ZNF462: variants seen among roughly 807,000 people sequenced by gnomAD.
ZNF462 encodes the protein zinc finger protein 462.
In ZNF462, 10 loss-of-function variants were observed where a neutral mutation model predicts 201.9. That is an observed-to-expected ratio of 0.05 (90% CI 0.03 to 0.08). The LOEUF is 0.08. ZNF462 is among the 10% of genes least tolerant of loss of function. ZNF462 has a pLI of 1.00. For synonymous variants in ZNF462, 1,227 were observed against 1,193.3 expected (o/e 1.03, Z -0.58); for missense variants, 2,523 against 3,168.3 (o/e 0.80, Z 4.89).
intron 7 of ZNF462, among the ~76,000 whole-genome samples, chr9:106,969,927 C>T (rs1439632072): frequency 6.6e-6 from 1 of 152,116 alleles, no homozygotes; most frequent in Non-Finnish European, 1.5e-5. Flanking sequence ...ACAGCTCAAG[C>T]CTGTGATAAC....
chr9:106,923,684 T>C lies in ZNF462; in HGVS notation c.220+81T>C. 1.4e-6 allele frequency: 2 copies of C among 1,443,192 alleles called. No homozygotes were observed. The highest frequency in any genetic ancestry group is 1.9e-6 in the Non-Finnish European group (2 of 1,044,844). The allele number at this position is 1,443,192 out of a possible 1,614,324, so 89.4% of individuals were successfully genotyped here. On this transcript the variant is annotated intron_variant, in intron 2 of 12. Coordinates refer to ENST00000277225, the MANE Select transcript of ZNF462 (RefSeq NM_021224.6). The surrounding 1 kb of genome is among the most constrained non-coding windows in gnomAD (Gnocchi z 5.6). ...TTTAGCCTGTAGCCATGGTTCTTAATATACGTGGCTTTTGCAGAGTTTCTT... is the reference window on the plus strand; with the variant it reads ...TTTAGCCTGTAGCCATGGTTCTTAACATACGTGGCTTTTGCAGAGTTTCTT...
At chr9:106,964,474 C>T (rs1287660636) in intron 7 of ZNF462, among the ~76,000 whole-genome samples, 1 of 151,970 alleles carries the variant, frequency 6.6e-6, no homozygotes, top group African/African-American at 2.4e-5. Flanking sequence ...AATCTCGTTC[C>T]TTTGATTGAA....
chr9:106,925,453 A>T lies in ZNF462; in HGVS notation c.1541A>T (p.Asn514Ile), dbSNP rs542567796. The T allele has an allele frequency of 2.5e-6, 4 of 1,614,102 alleles. No homozygotes were observed. Among genetic ancestry groups the T allele is most frequent in the Non-Finnish European group, 2.5e-6 (3 of 1,180,052 alleles). ...AGTGAAAGCATTTCTTCCTCACTGA[A>T]TGAAGGTGTGGTGTCTTATGAGAGC... Reference protein sequence around the residue: ...SQSESISSSLNEGVVSYESSS... With the variant: ...SQSESISSSLIEGVVSYESSS... Residue 514 changes from asparagine to isoleucine, a missense_variant, in exon 3 of 13, where the codon AAT becomes ATT. By Grantham distance (149) the Asn-to-Ile change is moderately radical. Around this residue, in one of 15 missense-constraint regions of ZNF462, gnomAD observed 383 missense variants for 453.4 expected, o/e 0.84. Coordinates refer to ENST00000277225, the MANE Select transcript of ZNF462 (RefSeq NM_021224.6). This position sits in a 1 kb window ranked among gnomAD's most constrained non-coding sequence, Gnocchi z 7.9.
Position 106,890,118 on chromosome 9 carries a change from A to G in ZNF462, c.-31+26763A>G, listed in dbSNP as rs140726405. 8.5e-5 allele frequency among the ~76,000 whole-genome samples: 13 copies of G among 152,372 alleles called. No individual in the cohort carries two copies. Among genetic ancestry groups the G allele is most frequent in the Admixed American group, 2.0e-4 (3 of 15,312 alleles). On this transcript the variant is annotated intron_variant, in intron 1 of 12. Transcript: ENST00000277225. This position sits in a 1 kb window ranked among gnomAD's most constrained non-coding sequence, Gnocchi z 4.2. ...TACCCACAGGATTCTTAGACTAGGC[A>G]TACATCATTGTATATATTCTGCCTA...
chr9:106,988,415 T>C (rs1169540843), intron 10 of ZNF462, among the ~76,000 whole-genome samples: 2 of 152,146 alleles, frequency 1.3e-5, no homozygotes, highest in East Asian at 1.9e-4. Context: ...ATGGGAATTA[T>C]GGGAGTACAA....
chr9:106,906,195 G>T (rs1042373685), intron 1 of ZNF462, among the ~76,000 whole-genome samples: 1 of 152,214 alleles, frequency 6.6e-6, no homozygotes, highest in Non-Finnish European at 1.5e-5. Context: ...TGGGAGAGGA[G>T]GGTCTCCCTT....
rs1564100314 is a variant in ZNF462, at chr9:106,923,328, A to G, written c.-30-26A>G. ...GTATGTGATTAGTGCATTCCTTAAG[A>G]TGTTTTGTTCTGACTTCTGCCACAG... is the stretch of plus-strand genomic sequence containing the variant. On this transcript the variant is annotated intron_variant, in intron 1 of 12. Coordinates refer to ENST00000277225, the MANE Select transcript of ZNF462 (RefSeq NM_021224.6). The surrounding 1 kb of genome is among the most constrained non-coding windows in gnomAD (Gnocchi z 5.6). The G allele has an allele frequency of 6.4e-7, 1 of 1,557,656 alleles. No homozygotes were observed. The highest frequency in any genetic ancestry group is 1.1e-5 in the South Asian group (1 of 89,878).
Position 107,003,348 on chromosome 9 carries a change from A to C in ZNF462, c.7111A>C (p.Met2371Leu). The C allele has an allele frequency of 6.2e-7, 1 of 1,613,958 alleles. No homozygotes were observed. Among genetic ancestry groups the C allele is most frequent in the Non-Finnish European group, 8.5e-7 (1 of 1,179,888 alleles). Residue 2371 changes from methionine (M) to leucine (L), a missense_variant, in exon 11 of 13, where the codon ATG becomes CTG. Around this residue, in one of 15 missense-constraint regions of ZNF462, gnomAD observed 228 missense variants for 361.2 expected, o/e 0.63. Transcript: ENST00000277225. This position sits in a 1 kb window ranked among gnomAD's most constrained non-coding sequence, Gnocchi z 4.4. Reference sequence around the variant, plus strand: ...GGTTAACTTGGATCAGCTGGAACAGATGAAGGAGAAAATGGAGAGCTCCAG... The same window carrying C: ...GGTTAACTTGGATCAGCTGGAACAGCTGAAGGAGAAAATGGAGAGCTCCAG... ...GRVNLDQLEQ[M>L]KEKMESSSSD...
intron 7 of ZNF462, among the ~76,000 whole-genome samples, chr9:106,944,660 T>C (rs1831025931): frequency 6.6e-6 from 1 of 152,206 alleles, no homozygotes; most frequent in Admixed American, 6.5e-5. Flanking sequence ...TGTAAAATTC[T>C]AGAACTTGTT....
At chr9:106,945,750 C>G (rs1334896155) in intron 7 of ZNF462, among the ~76,000 whole-genome samples, 1 of 152,146 alleles carries the variant, frequency 6.6e-6, no homozygotes, top group Non-Finnish European at 1.5e-5. Flanking sequence ...TACTATGTTT[C>G]TATATTTCTA....
chr9:106,943,059 C>CGCGCGTGTGTGTGTGTGT (rs374167214), intron 7 of ZNF462, among the ~76,000 whole-genome samples: 1 of 143,154 alleles, frequency 7.0e-6, no homozygotes, highest in African/African-American at 2.6e-5. Context: ...TTTGCGCGCG[C>CGCGCGTGTGTGTGTGTGT]GTGTGTGTGT....
chr9:106,984,459 G>T lies in ZNF462; in HGVS notation c.7056+50G>T. On this transcript the variant is annotated intron_variant, in intron 10 of 12. Transcript: ENST00000277225. The surrounding 1 kb of genome is among the most constrained non-coding windows in gnomAD (Gnocchi z 6.4). ...CGCCTCAGCACACTTGTGGGGAGGG[G>T]CCAAGGGGGAGACACCACTGCATTT... 1 of 1,476,512 alleles carries T rather than the reference G, an allele frequency of 6.8e-7. No individual in the cohort carries two copies. The allele number at this position is 1,476,512 out of a possible 1,614,324, so 91.5% of individuals were successfully genotyped here.
chr9:106,968,477 C>A lies in ZNF462; in HGVS notation c.6428-3528C>A, dbSNP rs959087716. ...CATTATAATTTCATTTCTAAAACTT[C>A]ACATATAATTAAAGTCACAAGTCAG... On this transcript the variant is annotated intron_variant, in intron 7 of 12. Transcript: ENST00000277225. The surrounding 1 kb of genome is among the most constrained non-coding windows in gnomAD (Gnocchi z 4.0). Among the ~76,000 whole-genome samples, 2 of 152,126 alleles carry A rather than the reference C, an allele frequency of 1.3e-5. No homozygotes were observed. Among genetic ancestry groups the A allele is most frequent in the African/African-American group, 4.8e-5 (2 of 41,408 alleles).
At chr9:106,879,542 G>A (rs924654183) in intron 1 of ZNF462, among the ~76,000 whole-genome samples, 1 of 152,080 alleles carries the variant, frequency 6.6e-6, no homozygotes, top group Admixed American at 6.5e-5. Context: ...CTGGGAGGAG[G>A]AGAAAGGGCT....
intron 1 of ZNF462, among the ~76,000 whole-genome samples, chr9:106,881,225 T>C (rs1442377062): frequency 6.6e-6 from 1 of 152,064 alleles, no homozygotes; most frequent in Non-Finnish European, 1.5e-5. Context: ...GGCTTGGAGA[T>C]TATTATGTTG....
chr9:106,911,315 T>C (rs1034751806), intron 1 of ZNF462, among the ~76,000 whole-genome samples: 1 of 152,202 alleles, frequency 6.6e-6, no homozygotes, highest in African/African-American at 2.4e-5. Context: ...GTAGCTATTA[T>C]TGCATTCATC....
chr9:106,939,092 G>A lies in ZNF462; in HGVS notation c.6412G>A (p.Val2138Met), dbSNP rs1369870858. The stretch of plus-strand genomic sequence containing the variant: ...CCAAAAAGCTACCCCGGCTGAAGAA[G>A]TGGAAGACTCCAATGGTAAAAATGG... The part of the protein sequence containing the change: ...SSQKATPAEE[V>M]EDSNDSSYSE... Residue 2138 changes from valine to methionine, a missense_variant, in exon 7 of 13, where the codon GTG (valine) becomes ATG (methionine). Val to Met is a conservative substitution (Grantham distance 21). Coordinates refer to ENST00000277225, the MANE Select transcript of ZNF462 (RefSeq NM_021224.6). The A allele has an allele frequency of 1.9e-5, 31 of 1,606,612 alleles. No individual in the cohort carries two copies. Among genetic ancestry groups the A allele is most frequent in the Non-Finnish European group, 2.5e-5 (30 of 1,176,550 alleles).
intron 7 of ZNF462, among the ~76,000 whole-genome samples, chr9:106,964,959 G>T (rs764402963): frequency 2.5e-4 from 38 of 152,204 alleles, no homozygotes; most frequent in Admixed American, 1.0e-3. Context: ...TCTTTGGTTA[G>T]AATGTTTTAA....
intron 9 of ZNF462, chr9:106,975,972 T>G (rs1294165110): frequency 6.6e-6 from 1 of 152,234 alleles, no homozygotes; most frequent in African/African-American, 2.4e-5. Flanking sequence ...AGGATACTAT[T>G]ACTCTATTCC....
Sources: gnomAD v4.1 joint callset for allele counts (sites outside exome capture counted in the v4.1 genomes callset) on GRCh38, gnomAD v4.1.1 for gene constraint, gnomAD v4.1.1 regional missense constraint, Gnocchi (gnomAD v3.1) non-coding constraint, MANE v1.5 for transcripts, NCBI Gene and HGNC (gene_info 2026-07-23, HGNC 2026-07-21) for gene names.